Variants in WDPCP observed in about 807,000 individuals in gnomAD.
The protein encoded by WDPCP is WD repeat-containing and planar cell polarity effector protein fritz homolog.
In WDPCP, 71 loss-of-function variants were observed where a neutral mutation model predicts 93.1. The ratio of observed to expected loss-of-function variants is 0.76; its 90% CI spans 0.63 to 0.93. The LOEUF is 0.93. Ranked by LOEUF, WDPCP falls within the 40% of genes least tolerant of loss-of-function variation. The probability of loss-of-function intolerance (pLI) is 0.00; values close to 1 mark genes in which losing one functional copy is unlikely to be tolerated. For synonymous variants in WDPCP, 315 were observed against 315.0 expected, an observed-to-expected ratio of 1.00 and a Z score of 0.00; for missense variants, 844 against 887.4, an observed-to-expected ratio of 0.95 and a Z score of 0.62.
intron 14 of WDPCP, among the ~76,000 whole-genome samples, chr2:63,180,556 A>G (rs917933911): frequency 6.6e-6 from 1 of 152,176 alleles, no homozygotes; most frequent in Non-Finnish European, 1.5e-5. Flanking sequence ...TTGCACATAT[A>G]TACTACATTT....
intron 13 of WDPCP, among the ~76,000 whole-genome samples, chr2:63,285,558 A>G (rs895230088): frequency 6.6e-6 from 1 of 152,102 alleles, no homozygotes; most frequent in African/African-American, 2.4e-5. Flanking sequence ...GGTAGAAATA[A>G]TAGAATAAAA....
At chr2:63,437,301 T>C in intron 8 of WDPCP, 120 bp downstream of exon 8, 2 of 865,710 alleles carry the variant, frequency 2.3e-6, no homozygotes, top group Non-Finnish European at 3.4e-6. Context: ...AATCCTGTAA[T>C]ATTTCCAGTT....
rs994471323 is a variant in WDPCP at position 63,644,058 on chromosome 2, C to A, written n.488+6601G>T. The A allele has an allele frequency of 5.0e-5, 19 of 378,666 alleles. No individual in the cohort carries two copies. In the East Asian group the frequency reaches 5.4e-4, roughly 11 times the overall value. The allele number at this position is 378,666 out of a possible 1,614,324, so 23.5% of individuals were successfully genotyped here. ...GGACCAAAGCCATGGTTGTGCTAGGCATAGAAAGAGTGATGAATGATCTTT... is the reference window on the plus strand; with the variant it reads ...GGACCAAAGCCATGGTTGTGCTAGGAATAGAAAGAGTGATGAATGATCTTT... On this transcript the variant is annotated intron_variant and non_coding_transcript_variant, in intron 3 of 4. Transcript: ENST00000467687.
chr2:63,560,908 C>T (rs961108532), intron 1 of WDPCP, among the ~76,000 whole-genome samples: 1 of 152,156 alleles, frequency 6.6e-6, no homozygotes, highest in African/African-American at 2.4e-5. Flanking sequence ...GTGCAGCAAA[C>T]CAACATGGCA....
chr2:63,564,755 G>A (rs1706898167), intron 1 of WDPCP: 1 of 148,774 alleles, frequency 6.7e-6, no homozygotes, highest in Non-Finnish European at 1.5e-5. Context: ...TACTTGTGAT[G>A]TTACTAAAGC....
At chr2:63,721,700 C>A (rs1330271547) in intron 2 of WDPCP, among the ~76,000 whole-genome samples, 1 of 148,302 alleles carries the variant, frequency 6.7e-6, no homozygotes, top group Non-Finnish European at 1.5e-5. Flanking sequence ...TGCCCTCCCG[C>A]TCCCCCTGCC....
intron 1 of WDPCP, among the ~76,000 whole-genome samples, chr2:63,553,995 T>A (rs963362988): frequency 6.6e-6 from 1 of 152,168 alleles, no homozygotes; most frequent in Non-Finnish European, 1.5e-5. Context: ...AGTACAACCA[T>A]CAAAATTAAT....
At chr2:63,179,489 CT>C (rs1674076640) in intron 14 of WDPCP, among the ~76,000 whole-genome samples, 1 of 151,942 alleles carries the variant, frequency 6.6e-6, no homozygotes, top group Non-Finnish European at 1.5e-5. Flanking sequence ...TCCCCCTTCT[CT>C]TTCTCCTTCT....
At chr2:63,708,344 G>A (rs1669201012) in intron 2 of WDPCP, among the ~76,000 whole-genome samples, 1 of 152,004 alleles carries the variant, frequency 6.6e-6, no homozygotes. Flanking sequence ...CCCTCCCCCA[G>A]CCTCGCTGCT....
intron 15 of WDPCP, among the ~76,000 whole-genome samples, chr2:63,155,097 T>C (rs536012022): frequency 2.6e-5 from 4 of 152,298 alleles, no homozygotes; most frequent in African/African-American, 9.6e-5. Context: ...AGCTTGTCTT[T>C]TCAGGCTCCT....
intron 15 of WDPCP, among the ~76,000 whole-genome samples, chr2:63,174,100 C>G (rs1673610707): frequency 6.6e-6 from 1 of 152,012 alleles, no homozygotes; most frequent in South Asian, 2.1e-4. Context: ...GCTCTTTAGC[C>G]CTTTACACAA....
intron 14 of WDPCP, among the ~76,000 whole-genome samples, chr2:63,192,065 C>A (rs948974637): frequency 6.6e-6 from 1 of 152,178 alleles, no homozygotes; most frequent in African/African-American, 2.4e-5. Flanking sequence ...CCTTACCCCC[C>A]TTTAAATTTT....
chr2:63,822,607 T>C (rs1671039545), intron 1 of WDPCP, among the ~76,000 whole-genome samples: 3 of 152,154 alleles, frequency 2.0e-5, no homozygotes, highest in East Asian at 3.8e-4. Context: ...TTCAGTCAGC[T>C]GAGCACAGTG....
chr2:63,604,066 T>C lies in WDPCP; in HGVS notation n.488+46593A>G, dbSNP rs561080698. On this transcript the variant is annotated intron_variant and non_coding_transcript_variant, in intron 3 of 4. Transcript: ENST00000467687. ...AGTTATAGCTAGAGATTGTTACATA[T>C]GTTATAATTTTAGAGTGTATATATG... Among the ~76,000 whole-genome samples, 17 of 149,518 alleles carry C rather than the reference T, an allele frequency of 1.1e-4. 1 individual carries two copies. In the South Asian group the frequency reaches 3.5e-3, roughly 31 times the overall value.
chr2:63,228,269 T>C (rs1049082510), intron 14 of WDPCP: 1 of 151,988 alleles, frequency 6.6e-6, no homozygotes, highest in African/African-American at 2.4e-5. Flanking sequence ...TTCAGTAATA[T>C]TAACACATGA....
At chr2:63,769,656 C>G (rs1468169215) in intron 2 of WDPCP, among the ~76,000 whole-genome samples, 1 of 151,842 alleles carries the variant, frequency 6.6e-6, no homozygotes, top group Admixed American at 6.6e-5. Context: ...CAAGCAAGAA[C>G]TACTCTGAGT....
intron 6 of WDPCP, among the ~76,000 whole-genome samples, chr2:63,464,814 A>T (rs1266863149): frequency 6.6e-6 from 1 of 152,134 alleles, no homozygotes; most frequent in Non-Finnish European, 1.5e-5. Context: ...GATTCCACTT[A>T]GATGGGGTAT....
At chr2:63,212,794 C>CAA (rs544051993) in intron 14 of WDPCP, among the ~76,000 whole-genome samples, 66 of 122,948 alleles carry the variant, frequency 5.4e-4, no homozygotes, top group South Asian at 1.8e-3. Context: ...AAATGGAAAA[C>CAA]AAAAAAAAAA....
intron 13 of WDPCP, among the ~76,000 whole-genome samples, chr2:63,266,439 A>C (rs1284256609): frequency 6.6e-6 from 1 of 152,244 alleles, no homozygotes; most frequent in Non-Finnish European, 1.5e-5. Context: ...AGCAAATTTA[A>C]CCAAACAGAT....
Sources: allele counts gnomAD v4.1 joint callset (sites outside exome capture counted in the v4.1 genomes callset), GRCh38; gene constraint gnomAD v4.1.1; transcripts MANE v1.5; gene names NCBI Gene and HGNC (gene_info 2026-07-23, HGNC 2026-07-21).